Variants in FRMD5 observed in about 807,000 individuals in gnomAD.
FRMD5 encodes the protein FERM domain-containing protein 5.
A neutral mutation model predicts 69.0 loss-of-function variants in FRMD5; 20 were observed. The ratio of observed to expected loss-of-function variants is 0.29; its 90% confidence interval spans 0.20 to 0.42. The LOEUF (loss-of-function observed/expected upper bound fraction) is 0.42, where lower values mean the gene tolerates loss of function less well. Ranked by LOEUF, FRMD5 falls within the 10% of genes least tolerant of loss-of-function variation. The pLI is 1.00. For missense variants in FRMD5, 595 were observed against 708.6 expected (o/e 0.84, Z 1.82); for synonymous variants, 271 against 260.1 (o/e 1.04, Z -0.40).
At chr15:44,017,148 C>A (rs998258216) in intron 1 of FRMD5, among the ~76,000 whole-genome samples, 1 of 151,848 alleles carries the variant, frequency 6.6e-6, no homozygotes, top group Non-Finnish European at 1.5e-5. Context: ...ACCATCCTGG[C>A]TAACACGGTG....
At chr15:43,888,592 C>CT (rs759070374) in intron 9 of FRMD5, among the ~76,000 whole-genome samples, 3 of 152,208 alleles carry the variant, frequency 2.0e-5, no homozygotes, top group African/African-American at 2.4e-5. Flanking sequence ...GTAAAGATCT[C>CT]TTGAGTGGAA....
chr15:43,936,947 G>T (rs868109776), intron 1 of FRMD5, among the ~76,000 whole-genome samples: 2 of 152,138 alleles, frequency 1.3e-5, no homozygotes, highest in African/African-American at 4.8e-5. Context: ...GGAATTAAAA[G>T]CTCAATGCTG....
chr15:44,056,386 T>C (rs1437778510), intron 1 of FRMD5, among the ~76,000 whole-genome samples: 2 of 152,178 alleles, frequency 1.3e-5, no homozygotes, highest in Admixed American at 1.3e-4. Context: ...GAAATCTCAA[T>C]ATAGGCTAGT....
intron 13 of FRMD5, among the ~76,000 whole-genome samples, chr15:43,880,349 T>C (rs1425939947): frequency 6.6e-6 from 1 of 152,124 alleles, no homozygotes; most frequent in East Asian, 1.9e-4. Context: ...GAGGCCCTCA[T>C]CGCATCCCTC....
chr15:43,887,553 CCTGT>C (rs1168265399), intron 10 of FRMD5, among the ~76,000 whole-genome samples: 4 of 152,200 alleles, frequency 2.6e-5, no homozygotes, highest in Non-Finnish European at 4.4e-5. Flanking sequence ...ATTCAGAATG[CCTGT>C]CTAAGAAACA....
rs1189713581 is a variant in FRMD5, at chr15:43,919,478, G to C, written c.310C>G (p.Leu104Val). Reference protein sequence around the residue: ...VKFYPADPAALKEEITRYLVF... With the variant: ...VKFYPADPAAVKEEITRYLVF... ...CCTCACCTGGTTATTTCTTCTTTCA[G>C]AGCAGCAGGGTCTGCAGGATAAAAC... is the stretch of plus-strand genomic sequence containing the variant. The change falls in exon 4 of 14, where the codon CTG becomes GTG. Residue 104 changes from leucine to valine, a missense_variant. By Grantham distance (32) the Leu-to-Val change is conservative. Coordinates refer to ENST00000417257, the MANE Select transcript of FRMD5 (RefSeq NM_032892.5). The C allele has an allele frequency of 6.2e-7, 1 of 1,614,012 alleles. No homozygotes were observed. Among genetic ancestry groups the C allele is most frequent in the East Asian group, 2.2e-5 (1 of 44,886 alleles).
intron 1 of FRMD5, among the ~76,000 whole-genome samples, chr15:43,946,534 C>A (rs2089950160): frequency 6.6e-6 from 1 of 152,160 alleles, no homozygotes; most frequent in Non-Finnish European, 1.5e-5. Flanking sequence ...CAACACACAG[C>A]CTCTGGGGTA....
At chr15:44,048,937 G>A (rs1233154933) in intron 1 of FRMD5, among the ~76,000 whole-genome samples, 1 of 152,116 alleles carries the variant, frequency 6.6e-6, no homozygotes, top group African/African-American at 2.4e-5. Context: ...GAAATCCACT[G>A]CTAAGCCACT....
intron 1 of FRMD5, among the ~76,000 whole-genome samples, chr15:44,042,946 A>G (rs1410638029): frequency 6.6e-6 from 1 of 152,218 alleles, no homozygotes; most frequent in East Asian, 1.9e-4. Context: ...GGCAAGAGAA[A>G]GAAATAAAGG....
Position 43,919,439 on chromosome 15 carries a change from G to A in FRMD5, c.329+20C>T, listed in dbSNP as rs778993704. ...CTCTCCAACAGGTCCTAATGGCTGC[G>A]GGAAGCATGTTCACCTCACCTGGTT... On this transcript the variant is annotated intron_variant, in intron 4 of 13. Transcript: ENST00000417257. The A allele has an allele frequency of 6.8e-6, 11 of 1,608,824 alleles. No homozygotes were observed. Among genetic ancestry groups the A allele is most frequent in the African/African-American group, 1.3e-5 (1 of 74,784 alleles).
chr15:44,061,870 T>A (rs1325660286), intron 1 of FRMD5, among the ~76,000 whole-genome samples: 2 of 152,190 alleles, frequency 1.3e-5, no homozygotes, highest in Non-Finnish European at 2.9e-5. Context: ...CCGGACGTAA[T>A]ACTTCTCTTT....
At chr15:43,995,885 C>T (rs1408163874) in intron 1 of FRMD5, among the ~76,000 whole-genome samples, 1 of 151,994 alleles carries the variant, frequency 6.6e-6, no homozygotes, top group Admixed American at 6.5e-5. Flanking sequence ...CCATGGGTTC[C>T]AGCCCAGTGC....
intron 1 of FRMD5, among the ~76,000 whole-genome samples, chr15:43,997,610 A>G (rs1889994926): frequency 6.6e-6 from 1 of 151,410 alleles, no homozygotes; most frequent in Non-Finnish European, 1.5e-5. Context: ...ATGTAGTTCT[A>G]CTACCAAAGT....
chr15:44,137,025 C>T (rs1015957801), intron 1 of FRMD5, among the ~76,000 whole-genome samples: 1 of 152,284 alleles, frequency 6.6e-6, no homozygotes, highest in East Asian at 1.9e-4. Context: ...ATATTTTAAA[C>T]AGGATCAGAT....
At chr15:43,960,754 A>G (rs1038860136) in intron 1 of FRMD5, among the ~76,000 whole-genome samples, 1 of 152,264 alleles carries the variant, frequency 6.6e-6, no homozygotes, top group Admixed American at 6.5e-5. Context: ...TCTGTTTCGC[A>G]ATCAGTAAAA....
At chr15:43,875,363 A>ATAT (rs1555465599) in intron 13 of FRMD5, among the ~76,000 whole-genome samples, 45 of 105,318 alleles carry the variant, frequency 4.3e-4, no homozygotes, top group African/African-American at 1.6e-3. Context: ...AAAAAAAAAA[A>ATAT]ATATATATAT....
At chr15:43,977,566 A>G (rs979151975) in intron 1 of FRMD5, among the ~76,000 whole-genome samples, 12 of 152,112 alleles carry the variant, frequency 7.9e-5, no homozygotes, top group Non-Finnish European at 1.8e-4. Context: ...TCTAAAATAA[A>G]CTTTTGAAAA....
At chr15:44,174,711 G>A (rs2077863520) in intron 1 of FRMD5, among the ~76,000 whole-genome samples, 2 of 152,148 alleles carry the variant, frequency 1.3e-5, no homozygotes, top group African/African-American at 2.4e-5. Flanking sequence ...TCAACAAACA[G>A]TAGAATCTGA....
intron 1 of FRMD5, among the ~76,000 whole-genome samples, chr15:44,042,166 A>C (rs554777160): frequency 6.6e-6 from 1 of 152,348 alleles, no homozygotes; most frequent in South Asian, 2.1e-4. Context: ...CTAAGCAAAT[A>C]AACTAGAAAA....
Sources: allele counts gnomAD v4.1 joint callset (sites outside exome capture counted in the v4.1 genomes callset), GRCh38; gene constraint gnomAD v4.1.1; transcripts MANE v1.5; gene names NCBI Gene and HGNC (gene_info 2026-07-23, HGNC 2026-07-21).